Variants in ZGPAT observed in about 807,000 individuals in gnomAD.
The protein encoded by ZGPAT is zinc finger CCCH-type and G-patch domain containing.
In ZGPAT, 39 loss-of-function variants were observed where a neutral mutation model predicts 47.9. The ratio of observed to expected loss-of-function variants is 0.81; its 90% confidence interval spans 0.63 to 1.06. The LOEUF (loss-of-function observed/expected upper bound fraction) is 1.06, where lower values mean the gene tolerates loss of function less well. Ranked by LOEUF, ZGPAT falls within the 50% of genes least tolerant of loss-of-function variation. The pLI is 0.00. For synonymous variants in ZGPAT, 348 were observed against 292.9 expected (o/e 1.19, Z -1.92); for missense variants, 717 against 681.4 (o/e 1.05, Z -0.58).
At chr20:63,728,590 G>A (rs1453196844) in intron 2 of ZGPAT, among the ~76,000 whole-genome samples, 2 of 152,342 alleles carry the variant, frequency 1.3e-5, no homozygotes, top group African/African-American at 4.8e-5. Context: ...CTTCCTGGGA[G>A]AGCTGAGCCC....
At chr20:63,725,746 GGT>G (rs1272274597) in intron 2 of ZGPAT, among the ~76,000 whole-genome samples, 1 of 145,220 alleles carries the variant, frequency 6.9e-6, no homozygotes, top group Non-Finnish European at 1.5e-5. Context: ...CATGTATGTT[GGT>G]GTGCGTTCTC....
intron 6 of ZGPAT, 39 bp downstream of exon 6, chr20:63,735,603 G>A (rs1387517628): frequency 8.0e-6 from 12 of 1,506,436 alleles, no homozygotes; most frequent in African/African-American, 1.4e-5. Context: ...GGGCGACCCA[G>A]GGTGGCCCTG....
At chr20:63,733,401 G>T (rs773004370) in intron 3 of ZGPAT, 49 bp downstream of exon 3, 2 of 1,602,214 alleles carry the variant, frequency 1.2e-6, no homozygotes, top group Non-Finnish European at 1.7e-6. Context: ...CAGGCCCCAC[G>T]TGTGTTGTCA....
intron 2 of ZGPAT, among the ~76,000 whole-genome samples, chr20:63,730,970 CTGTGTGTGTG>C (rs139077471): frequency 1.0e-3 from 119 of 115,180 alleles, no homozygotes; most frequent in African/African-American, 4.7e-3. Flanking sequence ...CTCTCTCTCT[CTGTGTGTGTG>C]TGTGTGTGTG....
chr20:63,726,204 A>ATTTT (rs35108552), intron 2 of ZGPAT, among the ~76,000 whole-genome samples: 18 of 146,190 alleles, frequency 1.2e-4, no homozygotes, highest in Non-Finnish European at 2.1e-4. Flanking sequence ...CATCTAATTA[A>ATTTT]TTTTTTTTTT....
intron 2 of ZGPAT, among the ~76,000 whole-genome samples, chr20:63,719,743 ATT>A (rs35945169): frequency 3.5e-5 from 5 of 143,560 alleles, no homozygotes; most frequent in African/African-American, 5.1e-5. Context: ...TTAGTTATTA[ATT>A]TTTTTTTTTT....
intron 2 of ZGPAT, among the ~76,000 whole-genome samples, chr20:63,711,470 C>T (rs7344896): frequency 6.6e-6 from 1 of 152,190 alleles, no homozygotes; most frequent in African/African-American, 2.4e-5. Context: ...GCCCTCGTTC[C>T]GTCCCCTGCT....
At chr20:63,708,436 T>A in intron 1 of ZGPAT, 117 bp from the exon 2 acceptor site, 1 of 707,972 alleles carries the variant, frequency 1.4e-6, no homozygotes, top group Non-Finnish European at 2.3e-6. Flanking sequence ...CGCTGGGAGC[T>A]GTGCCTCTGA....
At chr20:63,712,178 G>A (rs1298523273) in intron 2 of ZGPAT, among the ~76,000 whole-genome samples, 1 of 152,124 alleles carries the variant, frequency 6.6e-6, no homozygotes, top group Non-Finnish European at 1.5e-5. Context: ...GTTAATTTTT[G>A]TATATGTTAT....
chr20:63,714,989 G>A (rs1445793351), intron 2 of ZGPAT, among the ~76,000 whole-genome samples: 16 of 152,032 alleles, frequency 1.1e-4, no homozygotes, highest in Admixed American at 9.8e-4. Context: ...ATGATCATGT[G>A]TGGTTTTTTT....
At chr20:63,712,447 C>T (rs1289693083) in intron 2 of ZGPAT, among the ~76,000 whole-genome samples, 1 of 152,226 alleles carries the variant, frequency 6.6e-6, no homozygotes, top group Non-Finnish European at 1.5e-5. Flanking sequence ...CCATTTGCTC[C>T]TCTTTTTCAA....
intron 6 of ZGPAT, 43 bp downstream of exon 6, chr20:63,735,607 G>A: frequency 6.6e-7 from 1 of 1,505,272 alleles, no homozygotes. Flanking sequence ...GACCCAGGGT[G>A]GCCCTGCCCC....
In ZGPAT at chr20:63,708,586, C is replaced by T. The variant is rs753881242; in HGVS notation, c.6C>T (p.Asp2=). The T allele has an allele frequency of 2.4e-5, 38 of 1,597,046 alleles. 2 individuals carry two copies. In the South Asian group the frequency reaches 3.8e-4, roughly 16 times the overall value. ...CAGCGCCTCCCTCTCTCAGCATGGACGAGGAGAGCCTGGAGTCGGCCTTGC... is the reference window on the plus strand; with the variant it reads ...CAGCGCCTCCCTCTCTCAGCATGGATGAGGAGAGCCTGGAGTCGGCCTTGC... The part of the protein sequence containing the change: M[D]EESLESALQT... Residue 2 remains aspartate (D), a synonymous_variant, in exon 2 of 7, where the codon GAC becomes GAT. Coordinates refer to ENST00000355969, the MANE Select transcript of ZGPAT (RefSeq NM_181485.3).
At position 63,735,942 on chromosome 20, in the gene ZGPAT, G is replaced by C; in HGVS notation, c.*23G>C. The C allele has an allele frequency of 1.3e-6, 2 of 1,597,992 alleles. No homozygotes were observed. Among genetic ancestry groups the C allele is most frequent in the East Asian group, 4.5e-5 (2 of 44,624 alleles). Reference sequence around the variant, plus strand: ...TAGAGACCCCACAAGCACTATGGACGAAGCGTGGGACCCCAGCACGGGCTG... The same window carrying C: ...TAGAGACCCCACAAGCACTATGGACCAAGCGTGGGACCCCAGCACGGGCTG... On this transcript the variant is annotated 3_prime_UTR_variant, in exon 7 of 7. Coordinates refer to ENST00000355969, the MANE Select transcript of ZGPAT (RefSeq NM_181485.3).
intron 1 of ZGPAT, 123 bp from the exon 2 acceptor site, chr20:63,708,430 G>A: frequency 4.4e-6 from 3 of 680,228 alleles, no homozygotes; most frequent in Non-Finnish European, 7.2e-6. Flanking sequence ...CCTCTGCGCT[G>A]GGAGCTGTGC....
intron 2 of ZGPAT, among the ~76,000 whole-genome samples, chr20:63,724,187 G>A (rs999954464): frequency 1.3e-5 from 2 of 152,078 alleles, no homozygotes; most frequent in African/African-American, 2.4e-5. Context: ...CCAACATGGT[G>A]AAACCCCGTC....
chr20:63,724,986 T>A (rs2091829220), intron 2 of ZGPAT, among the ~76,000 whole-genome samples: 1 of 146,146 alleles, frequency 6.8e-6, no homozygotes, highest in Admixed American at 6.8e-5. Flanking sequence ...TAGAATTTCT[T>A]TTTTTTTTTT....
At chr20:63,732,797 CAT>C (rs1430028996) in intron 2 of ZGPAT, among the ~76,000 whole-genome samples, 4 of 145,134 alleles carry the variant, frequency 2.8e-5, no homozygotes, top group African/African-American at 9.9e-5. Context: ...CATGTGAGTG[CAT>C]GTTTATGCGT....
At chr20:63,733,783 C>T in intron 4 of ZGPAT, 44 bp downstream of exon 4, 4 of 1,577,620 alleles carry the variant, frequency 2.5e-6, no homozygotes, top group South Asian at 2.4e-5. Flanking sequence ...AAGGTGGGGT[C>T]ACCCTGAGAG....
Sources: gnomAD v4.1 joint callset for allele counts (sites outside exome capture counted in the v4.1 genomes callset) on GRCh38, gnomAD v4.1.1 for gene constraint, MANE v1.5 for transcripts, NCBI Gene and HGNC (gene_info 2026-07-23, HGNC 2026-07-21) for gene names.